GRK4: variants seen among roughly 807,000 people sequenced by gnomAD.
GRK4 encodes the protein G protein-coupled receptor kinase 4, also known as G protein-coupled receptor kinase 2-like.
A neutral mutation model predicts 77.9 loss-of-function variants in GRK4; 73 were observed. The ratio of observed to expected loss-of-function variants is 0.94; its 90% CI spans 0.78 to 1.14. The LOEUF (loss-of-function observed/expected upper bound fraction) is 1.14, where lower values mean the gene tolerates loss of function less well. Ranked by LOEUF, GRK4 falls within the 50% of genes most tolerant of loss-of-function variation. The pLI is 0.00. For synonymous variants in GRK4, 257 were observed against 254.4 expected (o/e 1.01, Z -0.10); for missense variants, 729 against 700.2 (o/e 1.04, Z -0.46).
In GRK4 at chr4:3,007,473, A is replaced by G. The variant is rs568204197; in HGVS notation, c.444-263A>G. ...TTGCACATGGGAAGCATGCTGCTTGATAACAGAACAGCTGACACCCTCACT... is the reference window on the plus strand; with the variant it reads ...TTGCACATGGGAAGCATGCTGCTTGGTAACAGAACAGCTGACACCCTCACT... On this transcript the variant is annotated intron_variant, in intron 5 of 15. Coordinates refer to ENST00000398052, the MANE Select transcript of GRK4 (RefSeq NM_182982.3). Among the ~76,000 whole-genome samples the G allele has an allele frequency of 4.6e-5, 7 of 152,022 alleles. No individual in the cohort carries two copies. The South Asian group carries it at 8.3e-4, about 18-fold the overall frequency.
chr4:3,004,820 C>A (rs140449396), intron 5 of GRK4, among the ~76,000 whole-genome samples: 161 of 151,994 alleles, frequency 1.1e-3, no homozygotes, highest in Middle Eastern at 0.01. Context: ...GTGGCAGAGG[C>A]GGAAGAAAAT....
At chr4:3,005,161 C>T (rs962764716) in intron 5 of GRK4, among the ~76,000 whole-genome samples, 3 of 151,860 alleles carry the variant, frequency 2.0e-5, no homozygotes, top group Non-Finnish European at 2.9e-5. Flanking sequence ...TTTACATATG[C>T]GGGATGAAAG....
At chr4:3,025,535 G>T (rs1051049216) in intron 10 of GRK4, among the ~76,000 whole-genome samples, 2 of 150,770 alleles carry the variant, frequency 1.3e-5, no homozygotes, top group African/African-American at 4.9e-5. Flanking sequence ...GACTACAGGC[G>T]CCCGCCACCA....
chr4:2,976,078 A>G (rs1721063009), intron 1 of GRK4, among the ~76,000 whole-genome samples: 1 of 152,216 alleles, frequency 6.6e-6, no homozygotes, highest in Admixed American at 6.5e-5. Context: ...TGAAAGGACT[A>G]GTCTGCTTTT....
chr4:3,021,622 C>T (rs1450101588), intron 9 of GRK4, among the ~76,000 whole-genome samples: 1 of 152,196 alleles, frequency 6.6e-6, no homozygotes, highest in African/African-American at 2.4e-5. Flanking sequence ...CCTCTAGACA[C>T]AGAGGTGGTC....
At chr4:3,039,073 G>A (rs1192607933) in intron 15 of GRK4, among the ~76,000 whole-genome samples, 5 of 152,110 alleles carry the variant, frequency 3.3e-5, no homozygotes, top group East Asian at 1.9e-4. Flanking sequence ...AAACTTAGCC[G>A]GGTGTGGTGG....
intron 1 of GRK4, among the ~76,000 whole-genome samples, chr4:2,971,998 G>C (rs760516777): frequency 1.3e-5 from 2 of 152,192 alleles, no homozygotes; most frequent in African/African-American, 2.4e-5. Context: ...TAAGATCACT[G>C]TCTGAGGGTT....
chr4:3,006,755 A>G (rs1170513071), intron 5 of GRK4, among the ~76,000 whole-genome samples: 2 of 152,116 alleles, frequency 1.3e-5, no homozygotes, highest in African/African-American at 4.8e-5. Flanking sequence ...CCTGGGTGAC[A>G]GAGCCAGACC....
chr4:2,963,574 G>C lies in GRK4; in HGVS notation c.-497G>C, dbSNP rs1716382684. 1 of 471,914 alleles carries C rather than the reference G, an allele frequency of 2.1e-6. No individual in the cohort carries two copies. Among genetic ancestry groups the C allele is most frequent in the Non-Finnish European group, 3.7e-6 (1 of 272,138 alleles). 29.2% of individuals were successfully genotyped at this position (471,914 alleles called of 1,614,324 possible). ...GGCGCAGGGCCTTCTGGGAGCTGTA[G>C]TGCCCCGGCCGCGGCGGCGAGGGGC... On this transcript the variant is annotated 5_prime_UTR_variant, in exon 1 of 16. Coordinates refer to ENST00000398052, the MANE Select transcript of GRK4 (RefSeq NM_182982.3).
At chr4:2,977,304 A>G (rs1333865489) in intron 1 of GRK4, among the ~76,000 whole-genome samples, 1 of 152,156 alleles carries the variant, frequency 6.6e-6, no homozygotes, top group Admixed American at 6.5e-5. Context: ...GGGGCTCTCC[A>G]AGCACTTGGT....
At chr4:3,001,328 C>T (rs1204347606) in intron 4 of GRK4, among the ~76,000 whole-genome samples, 6 of 96,148 alleles carry the variant, frequency 6.2e-5, no homozygotes, top group South Asian at 6.0e-4. Context: ...AGTACATATA[C>T]ACACACACAC....
At chr4:3,020,429 G>A (rs994391539) in intron 9 of GRK4, among the ~76,000 whole-genome samples, 1 of 152,206 alleles carries the variant, frequency 6.6e-6, no homozygotes, top group African/African-American at 2.4e-5. Flanking sequence ...TCTTAGGTAT[G>A]TTGATAGTTC....
chr4:2,984,967 C>T (rs539756017), intron 2 of GRK4, among the ~76,000 whole-genome samples: 7 of 151,204 alleles, frequency 4.6e-5, no homozygotes, highest in African/African-American at 1.5e-4. Flanking sequence ...ACATTTTTTA[C>T]AAGTAATATA....
intron 1 of GRK4, among the ~76,000 whole-genome samples, chr4:2,980,757 T>C (rs2109521187): frequency 6.6e-6 from 1 of 152,180 alleles, no homozygotes; most frequent in African/African-American, 2.4e-5. Context: ...ACAGGATCCT[T>C]AGGGTGTCAC....
At chr4:2,971,831 C>T (rs1468263926) in intron 1 of GRK4, among the ~76,000 whole-genome samples, 1 of 152,178 alleles carries the variant, frequency 6.6e-6, no homozygotes, top group Non-Finnish European at 1.5e-5. Context: ...GGAGGTGCAT[C>T]ATTCTGATCT....
chr4:3,016,054 G>A (rs1224657689), intron 8 of GRK4, among the ~76,000 whole-genome samples: 6 of 150,886 alleles, frequency 4.0e-5, no homozygotes, highest in African/African-American at 1.5e-4. Flanking sequence ...TTTTACAGGT[G>A]CCCACCACCA....
At chr4:3,001,943 G>A (rs1300140512) in intron 4 of GRK4, among the ~76,000 whole-genome samples, 1 of 152,134 alleles carries the variant, frequency 6.6e-6, no homozygotes, top group Non-Finnish European at 1.5e-5. Context: ...TTTTTTCATT[G>A]AATCTGGACA....
At position 2,964,057 on chromosome 4, in the gene GRK4, G is replaced by A; in HGVS notation, c.-14G>A. 2 of 1,608,308 alleles carry A rather than the reference G, an allele frequency of 1.2e-6. No homozygotes were observed. Among genetic ancestry groups the A allele is most frequent in the African/African-American group, 1.3e-5 (1 of 75,034 alleles). ...CGGTCTCGCAGAATCCGCCGGCGGCGGCGGCGCCAGGACATGGAGCTCGAG... is the reference window on the plus strand; with the variant it reads ...CGGTCTCGCAGAATCCGCCGGCGGCAGCGGCGCCAGGACATGGAGCTCGAG... On this transcript the variant is annotated 5_prime_UTR_variant, in exon 1 of 16. Coordinates refer to ENST00000398052, the MANE Select transcript of GRK4 (RefSeq NM_182982.3).
chr4:2,986,839 G>A (rs1223957218), intron 2 of GRK4: 1 of 348,998 alleles, frequency 2.9e-6, no homozygotes, highest in African/African-American at 2.2e-5. Flanking sequence ...GAAAGATGAT[G>A]AAGTATTATA....
Sources: gnomAD v4.1 joint callset for allele counts (sites outside exome capture counted in the v4.1 genomes callset) on GRCh38, gnomAD v4.1.1 for gene constraint, MANE v1.5 for transcripts, NCBI Gene and HGNC (gene_info 2026-07-23, HGNC 2026-07-21) for gene names.